The following COL14A1 variants were observed in gnomAD, a reference collection of about 807,000 sequenced individuals.
COL14A1 encodes collagen type XIV alpha 1 chain, also known as collagen alpha-1(XIV) chain.
Under a neutral mutation model 230.3 loss-of-function variants are expected in COL14A1, and 136 were observed. That is an observed-to-expected ratio of 0.59 (90% CI 0.51 to 0.68). The LOEUF is 0.68. COL14A1 is among the 30% of genes least tolerant of loss of function. The probability of loss-of-function intolerance (pLI) is 0.00; values close to 1 mark genes in which losing one functional copy is unlikely to be tolerated. For synonymous variants in COL14A1, 792 were observed against 784.1 expected, an observed-to-expected ratio of 1.01 and a Z score of -0.17; for missense variants, 1,976 against 2,215.8, an observed-to-expected ratio of 0.89 and a Z score of 2.17.
chr8:120,222,865 A>G (rs1817973550), intron 14 of COL14A1, among the ~76,000 whole-genome samples: 2 of 152,222 alleles, frequency 1.3e-5, no homozygotes, highest in Non-Finnish European at 2.9e-5. Flanking sequence ...GACAATAAAC[A>G]TGTAGGTAAA....
intron 18 of COL14A1, among the ~76,000 whole-genome samples, chr8:120,230,685 G>A (rs1230200672): frequency 6.6e-6 from 1 of 151,932 alleles, no homozygotes; most frequent in Non-Finnish European, 1.5e-5. Flanking sequence ...TACTATTTTT[G>A]TTGAGTTAAT....
intron 40 of COL14A1, among the ~76,000 whole-genome samples, chr8:120,326,622 T>C (rs1179900886): frequency 1.3e-5 from 2 of 152,250 alleles, no homozygotes; most frequent in Non-Finnish European, 2.9e-5. Flanking sequence ...AATGGCTTTG[T>C]GTTTTTGAAA....
Position 120,200,711 on chromosome 8 carries a change from CTATTTATATATATATATATA to C in COL14A1, c.877+1149_877+1168del, listed in dbSNP as rs1297187252. On this transcript the variant is annotated intron_variant, in intron 8 of 47. Coordinates refer to ENST00000297848, the MANE Select transcript of COL14A1 (RefSeq NM_021110.4). ...TAGAGAAAGATCCTAAAAAGTTTTC[CTATTTATATATATATATATA>C]TATATATATATATATATATATATAT... Among the ~76,000 whole-genome samples, 556 of 76,804 alleles carry C rather than the reference CTATTTATATATATATATATA, an allele frequency of 7.2e-3. 13 individuals are homozygous for C. The highest frequency in any genetic ancestry group is 0.024 in the African/African-American group (527 of 21,698). The allele number at this position is 76,804 out of a possible 152,430, so 50.4% of individuals were successfully genotyped here. A position where few individuals can be genotyped will look rare whatever the true frequency, so the allele number is the denominator to read the frequency against.
intron 47 of COL14A1, chr8:120,370,815 G>T: frequency 2.2e-6 from 3 of 1,365,554 alleles, no homozygotes; most frequent in Non-Finnish European, 2.9e-6. Context: ...CTCTTCCCTG[G>T]TGATGGACTT....
At chr8:120,331,107 C>CA (rs35915187) in intron 40 of COL14A1, among the ~76,000 whole-genome samples, 12,527 of 61,456 alleles carry the variant, frequency 0.2, 962 homozygotes, top group Non-Finnish European at 0.26. Flanking sequence ...CTCTGTCTCA[C>CA]AAAAAAAAAA....
At chr8:120,318,899 T>A (rs1487450175) in intron 40 of COL14A1, among the ~76,000 whole-genome samples, 1 of 152,186 alleles carries the variant, frequency 6.6e-6, no homozygotes, top group Non-Finnish European at 1.5e-5. Flanking sequence ...AAGCTTTTTA[T>A]TTTCCTCCAC....
intron 22 of COL14A1, 148 bp downstream of exon 22, chr8:120,250,914 T>A (rs1818926081): frequency 2.4e-6 from 2 of 839,814 alleles, no homozygotes; most frequent in Non-Finnish European, 3.6e-6. Flanking sequence ...TTCAAGTGAT[T>A]CTCCTGCCTC....
intron 34 of COL14A1, among the ~76,000 whole-genome samples, chr8:120,295,052 A>T (rs1820482412): frequency 1.3e-5 from 2 of 151,836 alleles, no homozygotes; most frequent in Admixed American, 1.3e-4. Context: ...CCTGATGTAT[A>T]CTGGGGCTTG....
At chr8:120,207,853 A>AG (rs1448215684) in intron 10 of COL14A1, among the ~76,000 whole-genome samples, 1 of 152,154 alleles carries the variant, frequency 6.6e-6, no homozygotes, top group East Asian at 1.9e-4. Context: ...AAAAAAAAAA[A>AG]AAAGATCCGA....
At chr8:120,264,446 G>A (rs139443030) in intron 24 of COL14A1, among the ~76,000 whole-genome samples, 3 of 152,218 alleles carry the variant, frequency 2.0e-5, no homozygotes, top group South Asian at 2.1e-4. Flanking sequence ...GGCTTTAGGC[G>A]ATTCAGCATC....
intron 4 of COL14A1, among the ~76,000 whole-genome samples, chr8:120,164,498 T>C (rs936697593): frequency 6.6e-5 from 10 of 152,260 alleles, no homozygotes; most frequent in African/African-American, 2.2e-4. Context: ...TGCAATTACT[T>C]TAAATTGGAA....
chr8:120,224,023 CTTTTTT>C (rs962510256), intron 14 of COL14A1, among the ~76,000 whole-genome samples: 1 of 78,252 alleles, frequency 1.3e-5, no homozygotes, highest in African/African-American at 5.2e-5. Context: ...CCCTCATCTC[CTTTTTT>C]TTTTTTTTTT....
At position 120,342,371 on chromosome 8, in the gene COL14A1, C is replaced by G. The variant is rs766231387; in HGVS notation, c.4822-9C>G. 1.2e-6 allele frequency: 2 copies of G among 1,613,400 alleles called. No homozygotes were observed. The highest frequency in any genetic ancestry group is 1.1e-5 in the South Asian group (1 of 91,056). The stretch of plus-strand genomic sequence containing the variant: ...GCTGAGTCAGGAGTATGCTTTTTTT[C>G]TCATCCAGGGTGACCTGCAGTCTCA... On this transcript the variant is annotated splice_polypyrimidine_tract_variant and intron_variant, in intron 43 of 47. Transcript: ENST00000297848.
intron 23 of COL14A1, among the ~76,000 whole-genome samples, chr8:120,257,296 A>G (rs1284022942): frequency 1.3e-5 from 2 of 152,210 alleles, no homozygotes; most frequent in South Asian, 2.1e-4. Flanking sequence ...GTGTTGTTCA[A>G]TGTACTTCTC....
chr8:120,367,730 G>C (rs143867429), intron 46 of COL14A1, among the ~76,000 whole-genome samples: 2 of 151,150 alleles, frequency 1.3e-5, no homozygotes, highest in African/African-American at 2.4e-5. Flanking sequence ...GAGGCCAAGA[G>C]TTTGAGACCA....
At chr8:120,128,640 C>G (rs1165823963) in intron 1 of COL14A1, among the ~76,000 whole-genome samples, 1 of 152,026 alleles carries the variant, frequency 6.6e-6, no homozygotes, top group African/African-American at 2.4e-5. Flanking sequence ...GAGGCTGAGG[C>G]GGGCATTGAG....
At chr8:120,257,408 A>G (rs113632244) in intron 23 of COL14A1, among the ~76,000 whole-genome samples, 423 of 152,328 alleles carry the variant, frequency 2.8e-3, no homozygotes, top group African/African-American at 9.7e-3. Context: ...GGACAGCAAA[A>G]GATTCTAATT....
chr8:120,271,577 C>G (rs1334443535), intron 26 of COL14A1, among the ~76,000 whole-genome samples: 1 of 151,522 alleles, frequency 6.6e-6, no homozygotes, highest in Admixed American at 6.6e-5. Context: ...GCCTTTTGAA[C>G]TGAGATGTGA....
chr8:120,137,328 G>A (rs75511082), intron 1 of COL14A1, among the ~76,000 whole-genome samples: 1 of 151,900 alleles, frequency 6.6e-6, no homozygotes, highest in Non-Finnish European at 1.5e-5. Context: ...GTTATTCCTG[G>A]TATTGTTAAT....
Sources: allele counts gnomAD v4.1 joint callset (sites outside exome capture counted in the v4.1 genomes callset), GRCh38; gene constraint gnomAD v4.1.1; transcripts MANE v1.5; gene names NCBI Gene and HGNC (gene_info 2026-07-23, HGNC 2026-07-21).